EPM2AIP1: variants seen among roughly 807,000 people sequenced by gnomAD.
The protein encoded by EPM2AIP1 is EPM2A-interacting protein 1.
Under a neutral mutation model 44.8 loss-of-function variants are expected in EPM2AIP1, and 23 were observed. The observed-to-expected ratio is 0.51, with a 90% CI of 0.37 to 0.73. The LOEUF is 0.73. EPM2AIP1 is among the 30% of genes least tolerant of loss of function. The pLI is 0.00. For synonymous variants in EPM2AIP1, 311 were observed against 284.3 expected, an observed-to-expected ratio of 1.09 and a Z score of -0.94; for missense variants, 652 against 743.9, an observed-to-expected ratio of 0.88 and a Z score of 1.44.
Position 36,991,228 on chromosome 3 carries a change from G to A in EPM2AIP1, c.*26C>T. 1 of 1,519,102 alleles carries A rather than the reference G, an allele frequency of 6.6e-7. No individual in the cohort carries two copies. 94.1% of individuals were successfully genotyped at this position (1,519,102 alleles called of 1,614,324 possible). ...GCTTTTAGAATTAAATTCTTGTTGA[G>A]TTTTTCAATCTTGTACTACAAAGCC... is the stretch of plus-strand genomic sequence containing the variant. On this transcript the variant is annotated 3_prime_UTR_variant, in exon 1 of 1. Coordinates refer to ENST00000322716, the MANE Select transcript of EPM2AIP1 (RefSeq NM_014805.4).
In EPM2AIP1 at chr3:36,989,782, C is replaced by T. The variant is rs1335681413; in HGVS notation, c.*1472G>A. 2 of 152,122 alleles carry T rather than the reference C, an allele frequency of 1.3e-5. No individual in the cohort carries two copies. Among genetic ancestry groups the T allele is most frequent in the Admixed American group, 1.3e-4 (2 of 15,268 alleles). The allele number at this position is 152,122 out of a possible 1,614,324, so 9.4% of individuals were successfully genotyped here. Reference sequence around the variant, plus strand: ...AAAAGTGCCCCTACACATTTCTCAGCATCCTCTGGAATGACAGGTTACTGC... The same window carrying T: ...AAAAGTGCCCCTACACATTTCTCAGTATCCTCTGGAATGACAGGTTACTGC... On this transcript the variant is annotated 3_prime_UTR_variant, in exon 1 of 1. Transcript: ENST00000322716.
At position 36,992,580 on chromosome 3, in the gene EPM2AIP1, A is replaced by C; in HGVS notation, c.498T>G (p.Phe166Leu). ...SIDRNLRNQL[F>L]NRARDFKAYS... ...AGGCTTTAAAGTCCCTGGCTCGGTT[A>C]AAAAGCTGGTTGCGTAGATTCCTGT... Residue 166 changes from phenylalanine (F) to leucine (L), a missense_variant, in exon 1 of 1, where the codon TTT becomes TTG. Physicochemically the swap from Phe to Leu is conservative, Grantham distance 22. Transcript: ENST00000322716. The surrounding 1 kb of genome is among the most constrained non-coding windows in gnomAD (Gnocchi z 5.3). 1 of 1,614,028 alleles carries C rather than the reference A, an allele frequency of 6.2e-7. No homozygotes were observed. Among genetic ancestry groups the C allele is most frequent in the Non-Finnish European group, 8.5e-7 (1 of 1,179,896 alleles).
Position 36,992,541 on chromosome 3 carries a change from C to T in EPM2AIP1, c.537G>A (p.Leu179=). The T allele has an allele frequency of 6.2e-7, 1 of 1,613,996 alleles. No individual in the cohort carries two copies. The highest frequency in any genetic ancestry group is 8.5e-7 in the Non-Finnish European group (1 of 1,179,894). Reference sequence around the variant, plus strand: ...CATAGGCCACAAAAGCCTGGTCGTCCAAGGCAAGAGAATAGGCTTTAAAGT... The same window carrying T: ...CATAGGCCACAAAAGCCTGGTCGTCTAAGGCAAGAGAATAGGCTTTAAAGT... ...ARDFKAYSLA[L]DDQAFVAYEN... is the part of the protein sequence containing the mutation. Residue 179 remains leucine, a synonymous_variant, in exon 1 of 1, where the codon TTG becomes TTA. Coordinates refer to ENST00000322716, the MANE Select transcript of EPM2AIP1 (RefSeq NM_014805.4). The surrounding 1 kb of genome is among the most constrained non-coding windows in gnomAD (Gnocchi z 5.3).
Position 36,991,857 on chromosome 3 carries a change from A to G in EPM2AIP1, c.1221T>C (p.Ala407=), listed in dbSNP as rs200289425. The part of the protein sequence containing the change: ...ELRVSKVFAA[A]AFDHICTFEV... ...CGAAAGTACAAATATGGTCAAAGGCAGCAGCAGCAAAGACTTTACTAACTC... is the reference window on the plus strand; with the variant it reads ...CGAAAGTACAAATATGGTCAAAGGCGGCAGCAGCAAAGACTTTACTAACTC... The change falls in exon 1 of 1, where the codon GCT becomes GCC. Residue 407 remains alanine, a synonymous_variant. Coordinates refer to ENST00000322716, the MANE Select transcript of EPM2AIP1 (RefSeq NM_014805.4). 82 of 1,613,886 alleles carry G rather than the reference A, an allele frequency of 5.1e-5. No individual in the cohort carries two copies. The African/African-American group carries it at 1.0e-3, about 20-fold the overall frequency.
rs754738443 is a variant in EPM2AIP1 at position 36,992,987 on chromosome 3, G to A, written c.91C>T (p.Pro31Ser). 1.9e-6 allele frequency: 3 copies of A among 1,612,972 alleles called. No homozygotes were observed. Among genetic ancestry groups the A allele is most frequent in the Non-Finnish European group, 1.7e-6 (2 of 1,179,878 alleles). Reference sequence around the variant, plus strand: ...CACAGGGCCCCATCGCCCTCCGGAGGCTCCACCACCAAATAACGCTGGGTC... The same window carrying A: ...CACAGGGCCCCATCGCCCTCCGGAGACTCCACCACCAAATAACGCTGGGTC... ...EWTQRYLVVE[P>S]PEGDGALCLV... Residue 31 changes from proline (P) to serine (S), a missense_variant, in exon 1 of 1, where the codon CCT becomes TCT. Transcript: ENST00000322716. The surrounding 1 kb of genome is among the most constrained non-coding windows in gnomAD (Gnocchi z 5.3).
In EPM2AIP1 at chr3:36,993,085, G is replaced by C; in HGVS notation, c.-8C>G. On this transcript the variant is annotated 5_prime_UTR_variant, in exon 1 of 1. Transcript: ENST00000322716. ...TTTGGGCGTCATCCACATTCTGCGGGAGGCCACAAGAGCAGGGCCAACGTT... is the reference window on the plus strand; with the variant it reads ...TTTGGGCGTCATCCACATTCTGCGGCAGGCCACAAGAGCAGGGCCAACGTT... 3.1e-6 allele frequency: 5 copies of C among 1,593,580 alleles called. No individual in the cohort carries two copies. Among genetic ancestry groups the C allele is most frequent in the Non-Finnish European group, 4.3e-6 (5 of 1,167,880 alleles).
In EPM2AIP1 at chr3:36,990,541, T is replaced by C. The variant is rs1297934254; in HGVS notation, c.*713A>G. ...AAGCTGATAAAATAGCCCCCAGTTA[T>C]TAAAAAAAAAATCCAAGGAAAACCC... On this transcript the variant is annotated 3_prime_UTR_variant, in exon 1 of 1. Transcript: ENST00000322716. 2 of 985,290 alleles carry C rather than the reference T, an allele frequency of 2.0e-6. No individual in the cohort carries two copies. The highest frequency in any genetic ancestry group is 1.1e-4 in the East Asian group (1 of 8,826). The allele number at this position is 985,290 out of a possible 1,614,324, so 61.0% of individuals were successfully genotyped here.
In EPM2AIP1 at chr3:36,985,775, G is replaced by C. The variant is rs1002704217; in HGVS notation, c.*5479C>G. ...AAGGGCCACAGAATAAGTATTTTAG[G>C]TTTTGTGAGATGTACACACTCTGTA... On this transcript the variant is annotated 3_prime_UTR_variant, in exon 1 of 1. Transcript: ENST00000322716. The C allele has an allele frequency of 2.6e-5, 4 of 152,174 alleles. No homozygotes were observed. The highest frequency in any genetic ancestry group is 9.7e-5 in the African/African-American group (4 of 41,442). 9.4% of individuals were successfully genotyped at this position (152,174 alleles called of 1,614,324 possible).
rs201693939 is a variant in EPM2AIP1 at position 36,992,919 on chromosome 3, G to A, written c.159C>T (p.Asp53=). 4 of 1,612,496 alleles carry A rather than the reference G, an allele frequency of 2.5e-6. No individual in the cohort carries two copies. The highest frequency in any genetic ancestry group is 2.2e-5 in the South Asian group (2 of 91,088). ...GCTCAGCCTCGTAGTGGCGCCTGAC[G>A]TCGCGTTCGCGGGTAGCTACGATGA... ...RRLIVATRER[D]VRRHYEAEHE... Residue 53 remains aspartate (D), a synonymous_variant, in exon 1 of 1, where the codon GAC becomes GAT. Transcript: ENST00000322716. The surrounding 1 kb of genome is among the most constrained non-coding windows in gnomAD (Gnocchi z 5.3).
Position 36,992,499 on chromosome 3 carries a change from G to T in EPM2AIP1, c.579C>A (p.Val193=). The change falls in exon 1 of 1, where the codon GTC becomes GTA. Residue 193 remains valine, a synonymous_variant. Transcript: ENST00000322716. This position sits in a 1 kb window ranked among gnomAD's most constrained non-coding sequence, Gnocchi z 5.3. ...AFVAYENYLL[V]FIRGVGPELE... Reference sequence around the variant, plus strand: ...ACTCAGGGCCTACACCGCGGATAAAGACCAGGAGGTAGTTCTCATAGGCCA... The same window carrying T: ...ACTCAGGGCCTACACCGCGGATAAATACCAGGAGGTAGTTCTCATAGGCCA... 1.9e-6 allele frequency: 3 copies of T among 1,613,994 alleles called. No homozygotes were observed. Among genetic ancestry groups the T allele is most frequent in the East Asian group, 4.5e-5 (2 of 44,890 alleles).
chr3:36,992,190 C>T lies in EPM2AIP1; in HGVS notation c.888G>A (p.Gln296=), dbSNP rs1368218469. The change falls in exon 1 of 1, where the codon CAG becomes CAA. Residue 296 remains glutamine (Q), a synonymous_variant. Transcript: ENST00000322716. The surrounding 1 kb of genome is among the most constrained non-coding windows in gnomAD (Gnocchi z 5.3). The part of the protein sequence containing the change: ...LLSSYDVDVN[Q]IINTISEWIV... Reference sequence around the variant, plus strand: ...TCCATTCGGATATGGTATTTATGATCTGATTAACATCTACATCATAGGAGC... The same window carrying T: ...TCCATTCGGATATGGTATTTATGATTTGATTAACATCTACATCATAGGAGC... 1 of 1,613,972 alleles carries T rather than the reference C, an allele frequency of 6.2e-7. No individual in the cohort carries two copies. Among genetic ancestry groups the T allele is most frequent in the South Asian group, 1.1e-5 (1 of 91,088 alleles).
chr3:36,987,721 C>T lies in EPM2AIP1; in HGVS notation c.*3533G>A, dbSNP rs1426642743. ...CTAAATTCTGAGAATACAACGAGGT[C>T]CCTAGTTACAAAGAACTTGTCTTCA... On this transcript the variant is annotated 3_prime_UTR_variant, in exon 1 of 1. Coordinates refer to ENST00000322716, the MANE Select transcript of EPM2AIP1 (RefSeq NM_014805.4). 1 of 152,068 alleles carries T rather than the reference C, an allele frequency of 6.6e-6. No individual in the cohort carries two copies. Among genetic ancestry groups the T allele is most frequent in the Non-Finnish European group, 1.5e-5 (1 of 68,006 alleles). The allele number at this position is 152,068 out of a possible 1,614,324, so 9.4% of individuals were successfully genotyped here. A position where few individuals can be genotyped will look rare whatever the true frequency, so the allele number is the denominator to read the frequency against.
At position 36,992,055 on chromosome 3, in the gene EPM2AIP1, C is replaced by G; in HGVS notation, c.1023G>C (p.Trp341Cys). 1 of 1,613,990 alleles carries G rather than the reference C, an allele frequency of 6.2e-7. No individual in the cohort carries two copies. Among genetic ancestry groups the G allele is most frequent in the Non-Finnish European group, 8.5e-7 (1 of 1,179,880 alleles). ...ERVNGRCLNN[W>C]LRRGKTLKLI... ...GTTTTAAAGTTTTCCCTCTCCTAAGCCAATTGTTCAGACATCGTCCATTAA... is the reference window on the plus strand; with the variant it reads ...GTTTTAAAGTTTTCCCTCTCCTAAGGCAATTGTTCAGACATCGTCCATTAA... The change falls in exon 1 of 1, where the codon TGG becomes TGC. Residue 341 changes from tryptophan (W) to cysteine (C), a missense_variant. Trp to Cys is a radical substitution (Grantham distance 215). Coordinates refer to ENST00000322716, the MANE Select transcript of EPM2AIP1 (RefSeq NM_014805.4). This position sits in a 1 kb window ranked among gnomAD's most constrained non-coding sequence, Gnocchi z 5.3.
rs539960503 is a variant in EPM2AIP1 at position 36,985,416 on chromosome 3, A to G, written c.*5838T>C. The G allele has an allele frequency of 2.0e-5, 3 of 152,354 alleles. No individual in the cohort carries two copies. The highest frequency in any genetic ancestry group is 2.1e-4 in the South Asian group (1 of 4,826). The allele number at this position is 152,354 out of a possible 1,614,324, so 9.4% of individuals were successfully genotyped here. The stretch of plus-strand genomic sequence containing the variant: ...AAAAACCCACTGAGGTGTACACTTA[A>G]TATCGGTACACTTTTAAATTTTACC... On this transcript the variant is annotated 3_prime_UTR_variant, in exon 1 of 1. Transcript: ENST00000322716.
At position 36,992,262 on chromosome 3, in the gene EPM2AIP1, A is replaced by C; in HGVS notation, c.816T>G (p.Cys272Trp). The change falls in exon 1 of 1, where the codon TGT becomes TGG. Residue 272 changes from cysteine (C) to tryptophan (W), a missense_variant. Transcript: ENST00000322716. The surrounding 1 kb of genome is among the most constrained non-coding windows in gnomAD (Gnocchi z 5.3). ...ATCCTGAATAATGAATGACATTCCA[A>C]CAGTTGGGGCTTACGGCCTTTTCTC... ...YMREKAVSPN[C>W]WNVIHYSGFL... is the part of the protein sequence containing the mutation. 1 of 1,614,028 alleles carries C rather than the reference A, an allele frequency of 6.2e-7. No individual in the cohort carries two copies. Among genetic ancestry groups the C allele is most frequent in the Non-Finnish European group, 8.5e-7 (1 of 1,179,898 alleles).
rs765275127 is a variant in EPM2AIP1 at position 36,993,093 on chromosome 3, A to T, written c.-16T>A. 3 of 1,590,578 alleles carry T rather than the reference A, an allele frequency of 1.9e-6. No homozygotes were observed. The South Asian group carries it at 3.4e-5, about 18-fold the overall frequency. ...TCATCCACATTCTGCGGGAGGCCAC[A>T]AGAGCAGGGCCAACGTTAGAAAGGC... On this transcript the variant is annotated 5_prime_UTR_variant, in exon 1 of 1. Transcript: ENST00000322716.
chr3:36,990,563 ACCC>A lies in EPM2AIP1; in HGVS notation c.*688_*690del, dbSNP rs1433953640. Reference sequence around the variant, plus strand: ...TTATTAAAAAAAAAATCCAAGGAAAACCCCCAATAATTAGTCTTATCTCCAAAT... The same window carrying A: ...TTATTAAAAAAAAAATCCAAGGAAAACCAATAATTAGTCTTATCTCCAAAT... On this transcript the variant is annotated 3_prime_UTR_variant, in exon 1 of 1. Coordinates refer to ENST00000322716, the MANE Select transcript of EPM2AIP1 (RefSeq NM_014805.4). 39 of 985,490 alleles carry A rather than the reference ACCC, an allele frequency of 4.0e-5. No individual in the cohort carries two copies. The highest frequency in any genetic ancestry group is 4.7e-5 in the Non-Finnish European group (39 of 829,782). The allele number at this position is 985,490 out of a possible 1,614,324, so 61.0% of individuals were successfully genotyped here.
rs1575362932 is a variant in EPM2AIP1, at chr3:36,985,464, T to C, written c.*5790A>G. On this transcript the variant is annotated 3_prime_UTR_variant, in exon 1 of 1. Coordinates refer to ENST00000322716, the MANE Select transcript of EPM2AIP1 (RefSeq NM_014805.4). ...ACCTCAGTAACAAGTTGAAAATATATTGGAAGAAAGCATATAAATGAAGAT... is the reference window on the plus strand; with the variant it reads ...ACCTCAGTAACAAGTTGAAAATATACTGGAAGAAAGCATATAAATGAAGAT... The C allele has an allele frequency of 6.6e-6, 1 of 152,218 alleles. No homozygotes were observed. Among genetic ancestry groups the C allele is most frequent in the African/African-American group, 2.4e-5 (1 of 41,448 alleles). 9.4% of individuals were successfully genotyped at this position (152,218 alleles called of 1,614,324 possible).
chr3:36,992,632 A>G lies in EPM2AIP1; in HGVS notation c.446T>C (p.Ile149Thr). 1.9e-6 allele frequency: 3 copies of G among 1,614,030 alleles called. No homozygotes were observed. Among genetic ancestry groups the G allele is most frequent in the Non-Finnish European group, 2.5e-6 (3 of 1,179,908 alleles). ...AATGCTCAGGATCCTCTGCCTTGTG[A>G]TATCTGGAGATAAGTCAACGCCTTG... is the stretch of plus-strand genomic sequence containing the variant. The part of the protein sequence containing the change: ...VLQGVDLSPD[I>T]TRQRILSIDR... Residue 149 changes from isoleucine to threonine, a missense_variant, in exon 1 of 1, where the codon ATC becomes ACC. Ile to Thr is a moderately conservative substitution (Grantham distance 89). Coordinates refer to ENST00000322716, the MANE Select transcript of EPM2AIP1 (RefSeq NM_014805.4). This position sits in a 1 kb window ranked among gnomAD's most constrained non-coding sequence, Gnocchi z 5.3.
Sources: gnomAD v4.1 joint callset for allele counts on GRCh38, gnomAD v4.1.1 for gene constraint, Gnocchi (gnomAD v3.1) non-coding constraint, MANE v1.5 for transcripts, NCBI Gene and HGNC (gene_info 2026-07-23, HGNC 2026-07-21) for gene names.